Variants in THY1 observed in about 807,000 individuals in gnomAD.
THY1 encodes thy-1 membrane glycoprotein.
THY1 carries 10 observed loss-of-function variants against 14.9 expected under a neutral mutation model. The ratio of observed to expected loss-of-function variants is 0.67; its 90% CI spans 0.41 to 1.14. The LOEUF (loss-of-function observed/expected upper bound fraction) is 1.14, where lower values mean the gene tolerates loss of function less well. THY1 is among the 50% of genes most tolerant of loss of function. THY1 has a pLI of 0.00. For synonymous variants in THY1, 80 were observed against 90.0 expected (o/e 0.89, Z 0.63); for missense variants, 159 against 202.1 (o/e 0.79, Z 1.29).
upstream of THY1, chr11:119,423,354 G>T: frequency 2.7e-6 from 1 of 372,588 alleles, no homozygotes; most frequent in Non-Finnish European, 5.4e-6. Flanking sequence ...GCGGCGGAAG[G>T]GGGCCCTCAC....
At chr11:119,423,013 G>A (rs56199669) in intron 1 of THY1, 100 bp downstream of exon 1, 622 of 455,808 alleles carry the variant, frequency 1.4e-3, no homozygotes, top group Non-Finnish European at 1.8e-3. Flanking sequence ...TCTTCCCTGG[G>A]CGCCCTCGGA....
At position 119,419,366 on chromosome 11, in the gene THY1, C is replaced by A; in HGVS notation, c.*42G>T. On this transcript the variant is annotated 3_prime_UTR_variant, in exon 4 of 4. Transcript: ENST00000284240. ...GACTCAGAGAAGTAGGATCTCTGCA[C>A]TGGAACTTGAGGCTTCCTGTCTCCT... 5.1e-6 allele frequency: 8 copies of A among 1,569,244 alleles called. No homozygotes were observed. Among genetic ancestry groups the A allele is most frequent in the Non-Finnish European group, 7.0e-6 (8 of 1,142,618 alleles).
chr11:119,424,395 C>A (rs1012386313), upstream of THY1, among the ~76,000 whole-genome samples: 1 of 152,172 alleles, frequency 6.6e-6, no homozygotes, highest in Non-Finnish European at 1.5e-5. Flanking sequence ...GTGGGCCTCC[C>A]CAATGTCTGC....
At chr11:119,420,541 A>G (rs1701047475) in intron 2 of THY1, 155 bp from the exon 3 acceptor site, 1 of 730,698 alleles carries the variant, frequency 1.4e-6, no homozygotes, top group African/African-American at 1.8e-5. Flanking sequence ...TCTCCTTTGC[A>G]GACCCCAGCC....
At position 119,420,380 on chromosome 11, in the gene THY1, TG is replaced by T; in HGVS notation, c.43del (p.Gln15ArgfsTer8). The T allele has an allele frequency of 6.2e-7, 1 of 1,608,674 alleles. No individual in the cohort carries two copies. The highest frequency in any genetic ancestry group is 8.5e-7 in the Non-Finnish European group (1 of 1,177,864). ...GGTCACCTTCTGCCCTCGGGAGACC[TG>T]CAAGACTGGCACCAGCAGTGCCTCC... ...ISIALLLTVL[Q>X]VSRGQKVTSL... is the part of the protein sequence containing the mutation. On this transcript the variant is annotated frameshift_variant, in exon 3 of 4. Coordinates refer to ENST00000284240, the MANE Select transcript of THY1 (RefSeq NM_006288.5). LOFTEE classifies it high-confidence loss of function.
At position 119,419,261 on chromosome 11, in the gene THY1, T is replaced by C. The variant is rs1461675993; in HGVS notation, c.*147A>G. 5.4e-6 allele frequency: 4 copies of C among 738,868 alleles called. No homozygotes were observed. Among genetic ancestry groups the C allele is most frequent in the Non-Finnish European group, 4.9e-6 (2 of 407,650 alleles). 45.8% of individuals were successfully genotyped at this position (738,868 alleles called of 1,614,324 possible). A position where few individuals can be genotyped will look rare whatever the true frequency, so the allele number is the denominator to read the frequency against. Reference sequence around the variant, plus strand: ...GCGTGGACGTGGGTAGATAATCGCATGCAGCACTGGAACTCCTGATGAGGG... The same window carrying C: ...GCGTGGACGTGGGTAGATAATCGCACGCAGCACTGGAACTCCTGATGAGGG... On this transcript the variant is annotated 3_prime_UTR_variant, in exon 4 of 4. Coordinates refer to ENST00000284240, the MANE Select transcript of THY1 (RefSeq NM_006288.5).
chr11:119,421,209 T>C (rs1861893165), intron 1 of THY1: 1 of 343,224 alleles, frequency 2.9e-6, no homozygotes, highest in South Asian at 9.2e-5. Context: ...TTTACCACTC[T>C]TTCTCCTCTT....
chr11:119,420,488 G>C, intron 2 of THY1, 102 bp from the exon 3 acceptor site: 12 of 1,188,988 alleles, frequency 1.0e-5, no homozygotes, highest in Non-Finnish European at 1.4e-5. Context: ...AGGGGACCGG[G>C]GTCTGCTCTC....
Position 119,419,279 on chromosome 11 carries a change from G to C in THY1, c.*129C>G. ...AATCGCATGCAGCACTGGAACTCCT[G>C]ATGAGGGGTGGGGTCCCCACTTCTC... On this transcript the variant is annotated 3_prime_UTR_variant, in exon 4 of 4. Transcript: ENST00000284240. 1.2e-6 allele frequency: 1 copy of C among 818,620 alleles called. No homozygotes were observed. The highest frequency in any genetic ancestry group is 2.1e-6 in the Non-Finnish European group (1 of 479,348). 50.7% of individuals were successfully genotyped at this position (818,620 alleles called of 1,614,324 possible).
At position 119,417,446 on chromosome 11, in the gene THY1, A is replaced by G. The variant is rs538133692; in HGVS notation, c.*1962T>C. On this transcript the variant is annotated 3_prime_UTR_variant, in exon 4 of 4. Coordinates refer to ENST00000284240, the MANE Select transcript of THY1 (RefSeq NM_006288.5). ...CATCCTACCCAGTGCTAAATATCAG[A>G]TGAGTCAGCCTCTGGGCAGCTGTCA... 1 of 152,292 alleles carries G rather than the reference A, an allele frequency of 6.6e-6. No individual in the cohort carries two copies. Among genetic ancestry groups the G allele is most frequent in the East Asian group, 1.9e-4 (1 of 5,192 alleles). The allele number at this position is 152,292 out of a possible 1,614,324, so 9.4% of individuals were successfully genotyped here.
At position 119,415,742 on chromosome 11, in the gene THY1, A is replaced by T. The variant is rs1861761220; in HGVS notation, c.*3666T>A. On this transcript the variant is annotated 3_prime_UTR_variant, in exon 4 of 4. Transcript: ENST00000284240. Reference sequence around the variant, plus strand: ...GATGCCTCCTGTGGGTCTGCACAGGACATGTTTCTCCTTGAGTGTGTTGGG... The same window carrying T: ...GATGCCTCCTGTGGGTCTGCACAGGTCATGTTTCTCCTTGAGTGTGTTGGG... 6.6e-6 allele frequency among the ~76,000 whole-genome samples: 1 copy of T among 152,110 alleles called. No individual in the cohort carries two copies. The highest frequency in any genetic ancestry group is 2.1e-4 in the South Asian group (1 of 4,812).
chr11:119,420,443 A>G, intron 2 of THY1, 57 bp from the exon 3 acceptor site: 1 of 1,491,722 alleles, frequency 6.7e-7, no homozygotes, highest in Non-Finnish European at 9.0e-7. Context: ...GGGGCCTCCC[A>G]CCCACCTGAA....
At chr11:119,420,989 G>A in intron 1 of THY1, 60 bp from the exon 2 acceptor site, 1 of 1,532,938 alleles carries the variant, frequency 6.5e-7, no homozygotes, top group Non-Finnish European at 9.0e-7. Flanking sequence ...CCAGGGCTGG[G>A]GGTCCCTGGG....
At chr11:119,420,845 C>G in intron 2 of THY1, 24 bp downstream of exon 2, 2 of 1,613,996 alleles carry the variant, frequency 1.2e-6, no homozygotes, top group Non-Finnish European at 1.7e-6. Context: ...GCCTGGAGCC[C>G]CAGTCCTGCC....
Position 119,419,789 on chromosome 11 carries a change from T to A in THY1, c.373+262A>T, listed in dbSNP as rs574103600. 48 of 600,418 alleles carry A rather than the reference T, an allele frequency of 8.0e-5. No homozygotes were observed. The African/African-American group carries it at 8.1e-4, about 10-fold the overall frequency. The allele number at this position is 600,418 out of a possible 1,614,324, so 37.2% of individuals were successfully genotyped here. ...GAGGGAGGTGGTGTCATCCCTGTTT[T>A]CCCGCTGGGAGAAGGAAGATTAGGG... On this transcript the variant is annotated intron_variant, in intron 3 of 3. Transcript: ENST00000284240.
In THY1 at chr11:119,416,072, G is replaced by A. The variant is rs538494914; in HGVS notation, c.*3336C>T. On this transcript the variant is annotated 3_prime_UTR_variant, in exon 4 of 4. Coordinates refer to ENST00000284240, the MANE Select transcript of THY1 (RefSeq NM_006288.5). Reference sequence around the variant, plus strand: ...GCCAGTGAAAGTCCCCACATCTCACGGAGATCCCCATGCCCTTCCCGAGGA... The same window carrying A: ...GCCAGTGAAAGTCCCCACATCTCACAGAGATCCCCATGCCCTTCCCGAGGA... Among the ~76,000 whole-genome samples the A allele has an allele frequency of 1.5e-4, 23 of 152,264 alleles. 2 individuals are homozygous for A. The highest frequency in any genetic ancestry group is 1.0e-3 in the Admixed American group (16 of 15,302).
At chr11:119,420,482 G>A (rs1861878528) in intron 2 of THY1, 96 bp from the exon 3 acceptor site, 21 of 1,237,552 alleles carry the variant, frequency 1.7e-5, no homozygotes, top group Non-Finnish European at 2.2e-5. Context: ...CTAGGGAGGG[G>A]ACCGGGGTCT....
At chr11:119,420,830 A>C in intron 2 of THY1, 39 bp downstream of exon 2, 1 of 1,613,544 alleles carries the variant, frequency 6.2e-7, no homozygotes, top group Non-Finnish European at 8.5e-7. Context: ...GAAGGAAGCC[A>C]GGGCGCCTGG....
rs1861833004 is a variant in THY1 at position 119,418,816 on chromosome 11, T to G, written c.*592A>C. 1 of 160,080 alleles carries G rather than the reference T, an allele frequency of 6.2e-6. No individual in the cohort carries two copies. The highest frequency in any genetic ancestry group is 1.4e-5 in the Non-Finnish European group (1 of 72,878). The allele number at this position is 160,080 out of a possible 1,614,324, so 9.9% of individuals were successfully genotyped here. A position where few individuals can be genotyped will look rare whatever the true frequency, so the allele number is the denominator to read the frequency against. ...AAGGAGGGCTGCCCTTTTTATTTTTTTTTGGTTGTGGCTGAGAATGCTGGA... is the reference window on the plus strand; with the variant it reads ...AAGGAGGGCTGCCCTTTTTATTTTTGTTTGGTTGTGGCTGAGAATGCTGGA... On this transcript the variant is annotated 3_prime_UTR_variant, in exon 4 of 4. Coordinates refer to ENST00000284240, the MANE Select transcript of THY1 (RefSeq NM_006288.5).
Sources: gnomAD v4.1 joint callset for allele counts (sites outside exome capture counted in the v4.1 genomes callset) on GRCh38, gnomAD v4.1.1 for gene constraint, MANE v1.5 for transcripts, NCBI Gene and HGNC (gene_info 2026-07-23, HGNC 2026-07-21) for gene names.